BACH2: variants seen among roughly 807,000 people sequenced by gnomAD.
BACH2 encodes transcription regulator protein BACH2.
Under a neutral mutation model 61.8 loss-of-function variants are expected in BACH2, and 5 were observed. The ratio of observed to expected loss-of-function variants is 0.08; its 90% confidence interval spans 0.04 to 0.17. The LOEUF is 0.17. Ranked by LOEUF, BACH2 falls within the 10% of genes least tolerant of loss-of-function variation. BACH2 has a pLI of 1.00. For synonymous variants in BACH2, 446 were observed against 440.1 expected, an observed-to-expected ratio of 1.01 and a Z score of -0.17; for missense variants, 824 against 1,091.1, an observed-to-expected ratio of 0.76 and a Z score of 3.45.
At chr6:90,122,610 C>T (rs1783678244) in intron 4 of BACH2, among the ~76,000 whole-genome samples, 1 of 152,166 alleles carries the variant, frequency 6.6e-6, no homozygotes, top group African/African-American at 2.4e-5. Context: ...TCTACTGAGA[C>T]ATTAGTTTTA....
intron 6 of BACH2, among the ~76,000 whole-genome samples, chr6:89,992,401 G>A (rs1174752348): frequency 6.6e-6 from 1 of 152,158 alleles, no homozygotes; most frequent in Non-Finnish European, 1.5e-5. Flanking sequence ...AGCACTTTGG[G>A]AGGCCAAGGC....
In BACH2 at chr6:89,932,484, G is replaced by C; in HGVS notation, c.2450C>G (p.Thr817Arg). 6.2e-7 allele frequency: 1 copy of C among 1,614,106 alleles called. No individual in the cohort carries two copies. Among genetic ancestry groups the C allele is most frequent in the Non-Finnish European group, 8.5e-7 (1 of 1,180,026 alleles). The change falls in exon 9 of 9, where the codon ACA (threonine) becomes AGA (arginine). Residue 817 changes from threonine to arginine, a missense_variant. Physicochemically the swap from Thr to Arg is moderately conservative, Grantham distance 71 (BLOSUM62 -1). Around this residue, in one of 8 missense-constraint regions of BACH2, gnomAD observed 135 missense variants for 142.7 expected, o/e 0.95. Coordinates refer to ENST00000257749, the MANE Select transcript of BACH2 (RefSeq NM_021813.4). Reference protein sequence around the residue: ...RGPPLEPRSQTVTVDFCQEMT... With the variant: ...RGPPLEPRSQRVTVDFCQEMT... ...TTCCTGGCAGAAGTCCACGGTCACT[G>C]TTTGGCTCCTGGGTTCAAGAGGAGG...
intron 5 of BACH2, among the ~76,000 whole-genome samples, chr6:90,056,830 G>A (rs987459557): frequency 1.3e-5 from 2 of 152,126 alleles, no homozygotes; most frequent in African/African-American, 4.8e-5. Context: ...ACTCAAAACT[G>A]CTCAACTACA....
intron 4 of BACH2, among the ~76,000 whole-genome samples, chr6:90,099,546 GT>G (rs1782527168): frequency 6.6e-6 from 1 of 152,130 alleles, no homozygotes; most frequent in South Asian, 2.1e-4. Flanking sequence ...AACTGGCTAT[GT>G]TTTTTGTTTT....
intron 1 of BACH2, among the ~76,000 whole-genome samples, chr6:90,296,178 A>C (rs559183209): frequency 6.6e-6 from 1 of 152,060 alleles, no homozygotes; most frequent in Non-Finnish European, 1.5e-5. Flanking sequence ...CTGCTGTTCC[A>C]AAACACCCTT....
chr6:90,266,346 A>C (rs889640773), intron 2 of BACH2, among the ~76,000 whole-genome samples: 1 of 152,162 alleles, frequency 6.6e-6, no homozygotes, highest in African/African-American at 2.4e-5. Context: ...TAGATGACCA[A>C]CTACAGAGAG....
At chr6:90,156,301 C>T (rs1401763806) in intron 4 of BACH2, among the ~76,000 whole-genome samples, 1 of 152,218 alleles carries the variant, frequency 6.6e-6, no homozygotes, top group Non-Finnish European at 1.5e-5. Context: ...ACTCTACTTT[C>T]ATAACAACCC....
At chr6:90,196,272 T>A (rs376556603) in intron 4 of BACH2, among the ~76,000 whole-genome samples, 2 of 152,236 alleles carry the variant, frequency 1.3e-5, no homozygotes, top group African/African-American at 4.8e-5. Context: ...GCCATAGGTT[T>A]TGTTTCAACA....
At chr6:90,181,803 T>G (rs1374101477) in intron 4 of BACH2, among the ~76,000 whole-genome samples, 1 of 152,086 alleles carries the variant, frequency 6.6e-6, no homozygotes, top group Non-Finnish European at 1.5e-5. Flanking sequence ...TCAGGCTTAT[T>G]ATTATTATTT....
chr6:90,146,290 T>G (rs1464973127), intron 4 of BACH2, among the ~76,000 whole-genome samples: 3 of 152,220 alleles, frequency 2.0e-5, no homozygotes, highest in African/African-American at 7.2e-5. Flanking sequence ...ATGGCTTGCC[T>G]TTTGGACAAA....
rs370151377 is a variant in BACH2, at chr6:89,966,739, G to GCTT, written c.244-14880_244-14878dup. Reference sequence around the variant, plus strand: ...GAAGCCATTGGGTTCTTGTCCTGAAGCTTCCCCCAGGACACCAGGGTTCCA... The same window carrying GCTT: ...GAAGCCATTGGGTTCTTGTCCTGAAGCTTCTTCCCCCAGGACACCAGGGTTCCA... On this transcript the variant is annotated intron_variant, in intron 6 of 8. Coordinates refer to ENST00000257749, the MANE Select transcript of BACH2 (RefSeq NM_021813.4). Among the ~76,000 whole-genome samples the GCTT allele has an allele frequency of 3.4e-3, 521 of 152,354 alleles. 3 individuals carry two copies. Among genetic ancestry groups the GCTT allele is most frequent in the African/African-American group, 0.011 (478 of 41,580 alleles).
intron 8 of BACH2, among the ~76,000 whole-genome samples, chr6:89,935,479 G>A (rs1311778139): frequency 2.0e-5 from 3 of 152,184 alleles, no homozygotes; most frequent in South Asian, 2.1e-4. Context: ...AAGAAAATGA[G>A]GTGCCGCGTG....
chr6:90,048,880 A>AG (rs1779909504), intron 5 of BACH2, among the ~76,000 whole-genome samples: 1 of 152,176 alleles, frequency 6.6e-6, no homozygotes, highest in African/African-American at 2.4e-5. Context: ...AACACTCACT[A>AG]GCTCTTTAGA....
At chr6:90,071,183 T>C (rs985493471) in intron 5 of BACH2, among the ~76,000 whole-genome samples, 1 of 152,218 alleles carries the variant, frequency 6.6e-6, no homozygotes, top group African/African-American at 2.4e-5. Flanking sequence ...GGTATAATAC[T>C]CCTAATGTGA....
At chr6:90,194,174 T>C (rs1408515714) in intron 4 of BACH2, among the ~76,000 whole-genome samples, 1 of 152,156 alleles carries the variant, frequency 6.6e-6, no homozygotes, top group Non-Finnish European at 1.5e-5. Flanking sequence ...GTTATCAGCC[T>C]TTTCCAAAGT....
At chr6:90,125,611 C>A (rs1783816230) in intron 4 of BACH2, among the ~76,000 whole-genome samples, 1 of 152,164 alleles carries the variant, frequency 6.6e-6, no homozygotes, top group African/African-American at 2.4e-5. Context: ...CTGCTCAGAA[C>A]CAATGGAAAA....
intron 4 of BACH2, among the ~76,000 whole-genome samples, chr6:90,166,608 A>G (rs1767627133): frequency 6.6e-6 from 1 of 152,214 alleles, no homozygotes; most frequent in South Asian, 2.1e-4. Context: ...ATGCACACGT[A>G]TGTTTATTGC....
intron 6 of BACH2, among the ~76,000 whole-genome samples, chr6:89,987,332 C>T (rs560709364): frequency 2.6e-5 from 4 of 152,210 alleles, no homozygotes; most frequent in South Asian, 2.1e-4. Context: ...ATGCAGAAAG[C>T]GAGTCACGCC....
At chr6:90,159,881 G>A (rs1785129898) in intron 4 of BACH2, among the ~76,000 whole-genome samples, 1 of 152,180 alleles carries the variant, frequency 6.6e-6, no homozygotes, top group Admixed American at 6.5e-5. Context: ...ACCCTAAGGA[G>A]CATAAAAAAC....
Sources: gnomAD v4.1 joint callset for allele counts (sites outside exome capture counted in the v4.1 genomes callset) on GRCh38, gnomAD v4.1.1 for gene constraint, gnomAD v4.1.1 regional missense constraint, MANE v1.5 for transcripts, NCBI Gene and HGNC (gene_info 2026-07-23, HGNC 2026-07-21) for gene names.